DYNC2H1: variants seen among roughly 807,000 people sequenced by gnomAD.
The protein encoded by DYNC2H1 is cytoplasmic dynein 2 heavy chain 1.
DYNC2H1 carries 410 observed loss-of-function variants against 570.0 expected under a neutral mutation model. The ratio of observed to expected loss-of-function variants is 0.72; its 90% CI spans 0.66 to 0.78. DYNC2H1 has a LOEUF of 0.78. DYNC2H1 is among the 30% of genes least tolerant of loss of function. The pLI is 0.00. For missense variants in DYNC2H1, 4,865 were observed against 5,046.4 expected, an observed-to-expected ratio of 0.96 and a Z score of 1.09; for synonymous variants, 1,688 against 1,677.6, an observed-to-expected ratio of 1.01 and a Z score of -0.15.
At chr11:103,150,456 A>G (rs921682244) in intron 20 of DYNC2H1, among the ~76,000 whole-genome samples, 1 of 152,160 alleles carries the variant, frequency 6.6e-6, no homozygotes, top group African/African-American at 2.4e-5. Flanking sequence ...AGATAAATCA[A>G]AATGTCTCTT....
At chr11:103,135,078 A>G (rs1591293648) in intron 15 of DYNC2H1, among the ~76,000 whole-genome samples, 1 of 151,144 alleles carries the variant, frequency 6.6e-6, no homozygotes, top group African/African-American at 2.5e-5. Context: ...TTTAAATCTC[A>G]TATGTTTTAA....
intron 78 of DYNC2H1, among the ~76,000 whole-genome samples, chr11:103,309,819 C>T (rs933279342): frequency 4.6e-5 from 7 of 151,952 alleles, no homozygotes; most frequent in Admixed American, 2.6e-4. Context: ...GTAAATATTT[C>T]GATAAGAGAG....
chr11:103,438,978 A>T (rs1355404230), intron 85 of DYNC2H1, among the ~76,000 whole-genome samples: 1 of 151,926 alleles, frequency 6.6e-6, no homozygotes, highest in African/African-American at 2.4e-5. Flanking sequence ...CTCGCCTCTT[A>T]AAAAAAAGAT....
Position 103,369,490 on chromosome 11 carries a change from G to A in DYNC2H1, c.12156+11131G>A, listed in dbSNP as rs116463590. Among the ~76,000 whole-genome samples, 1,015 of 152,266 alleles carry A rather than the reference G, an allele frequency of 6.7e-3. 10 individuals are homozygous for A. The highest frequency in any genetic ancestry group is 0.023 in the African/African-American group (960 of 41,556). On this transcript the variant is annotated intron_variant, in intron 83 of 88. Transcript: ENST00000375735. This position sits in a 1 kb window ranked among gnomAD's most constrained non-coding sequence, Gnocchi z 4.0. ...CTGAGGCACCTGCTGGGGCAGCTAA[G>A]GGAATGCTGGCATCACCCCTCTCCT...
At chr11:103,303,058 G>T (rs1473238110) in intron 75 of DYNC2H1, 35 bp from the exon 76 acceptor site, 2 of 1,374,672 alleles carry the variant, frequency 1.5e-6, no homozygotes, top group East Asian at 2.6e-5. Context: ...AATGCATACT[G>T]CTTTTATTTT....
intron 84 of DYNC2H1, among the ~76,000 whole-genome samples, chr11:103,409,202 C>A (rs1416518912): frequency 3.3e-5 from 5 of 151,864 alleles, no homozygotes; most frequent in African/African-American, 1.2e-4. Context: ...TTCAAGAATA[C>A]CTTTGTTGGA....
rs142920070 is a variant in DYNC2H1 at position 103,456,351 on chromosome 11, A to C, written c.12643A>C (p.Ile4215Leu). 252 of 1,595,366 alleles carry C rather than the reference A, an allele frequency of 1.6e-4. No individual in the cohort carries two copies. In the African/African-American group the frequency reaches 3.0e-3, roughly 19 times the overall value. Reference sequence around the variant, plus strand: ...TCGACTGCAAGAAGCAAAGCTACAAATTAAGGTACTAGACTAATTTTAGAT... The same window carrying C: ...TCGACTGCAAGAAGCAAAGCTACAACTTAAGGTACTAGACTAATTTTAGAT... ...KGRLQEAKLQ[I>L]KISGLLLEGC... The change falls in exon 87 of 89, where the codon ATT becomes CTT. Residue 4215 changes from isoleucine (I) to leucine (L), a missense_variant. Transcript: ENST00000375735.
rs1007936097 is a variant in DYNC2H1 at position 103,177,642 on chromosome 11, G to A, written c.5961G>A (p.Thr1987=). The A allele has an allele frequency of 5.6e-6, 9 of 1,613,242 alleles. No individual in the cohort carries two copies. The highest frequency in any genetic ancestry group is 1.7e-5 in the Admixed American group (1 of 59,884). Residue 1987 remains threonine, a synonymous_variant, in exon 38 of 89, where the codon ACG becomes ACA. Transcript: ENST00000375735. The surrounding 1 kb of genome is among the most constrained non-coding windows in gnomAD (Gnocchi z 4.4). ...IVGPSGAGKS[T]LWRMLRAALC... ...GTCCAAGTGGTGCTGGAAAATCAAC[G>A]CTTTGGAGAATGTTAAGGGCTGCGC...
intron 84 of DYNC2H1, among the ~76,000 whole-genome samples, chr11:103,412,851 A>G (rs188504856): frequency 6.6e-6 from 1 of 152,322 alleles, no homozygotes; most frequent in Admixed American, 6.5e-5. Flanking sequence ...GTATGAAGTT[A>G]ATATCTTCTT....
At position 103,204,909 on chromosome 11, in the gene DYNC2H1, A is replaced by G. The variant is rs1862867363; in HGVS notation, c.8399A>G (p.His2800Arg). 2 of 1,594,810 alleles carry G rather than the reference A, an allele frequency of 1.3e-6. No homozygotes were observed. The highest frequency in any genetic ancestry group is 1.1e-5 in the South Asian group (1 of 88,252). The change falls in exon 52 of 89, where the codon CAT becomes CGT. Residue 2800 changes from histidine (H) to arginine (R), a missense_variant. Physicochemically the swap from His to Arg is conservative, Grantham distance 29. Around this residue, in one of 5 missense-constraint regions of DYNC2H1, gnomAD observed 2,401 missense variants for 2,454.6 expected, o/e 0.98. Transcript: ENST00000375735. The surrounding 1 kb of genome is among the most constrained non-coding windows in gnomAD (Gnocchi z 4.1). ...AACTGTGAGAGTAATCCAGCTTTGC[A>G]TAAGAAATGCCAGGTGTTGTGGATG... ...MINCESNPAL[H>R]KKCQVLWMEG...
intron 39 of DYNC2H1, 112 bp downstream of exon 39, chr11:103,179,345 T>C (rs1193623995): frequency 1.1e-6 from 1 of 907,702 alleles, no homozygotes; most frequent in Non-Finnish European, 1.5e-6. Flanking sequence ...TTTTCCCATT[T>C]ATGATTAACT....
rs1865854299 is a variant in DYNC2H1 at position 103,275,006 on chromosome 11, A to T, written c.10696-5342A>T. On this transcript the variant is annotated intron_variant, in intron 70 of 88. Coordinates refer to ENST00000375735, the MANE Select transcript of DYNC2H1 (RefSeq NM_001377.3). The surrounding 1 kb of genome is among the most constrained non-coding windows in gnomAD (Gnocchi z 4.8). ...ACTACTGGGAGGCTGAGGCGGGAGA[A>T]TCACTTGAACCTGGGAGGTGGAGGT... 6.6e-6 allele frequency among the ~76,000 whole-genome samples: 1 copy of T among 152,152 alleles called. No homozygotes were observed. Among genetic ancestry groups the T allele is most frequent in the Admixed American group, 6.5e-5 (1 of 15,276 alleles).
intron 83 of DYNC2H1, among the ~76,000 whole-genome samples, chr11:103,367,541 A>G (rs1285646604): frequency 2.6e-5 from 4 of 152,038 alleles, no homozygotes; most frequent in African/African-American, 9.7e-5. Context: ...TAGTGATCAA[A>G]TTACGGTATT....
chr11:103,164,213 A>G (rs1861208627), intron 30 of DYNC2H1, among the ~76,000 whole-genome samples: 2 of 57,990 alleles, frequency 3.4e-5, no homozygotes, highest in South Asian at 6.3e-4. Flanking sequence ...ATTGTATAAT[A>G]TTTGGGTTAG....
intron 84 of DYNC2H1, among the ~76,000 whole-genome samples, chr11:103,415,399 G>A (rs9734001): frequency 0.51 from 77,056 of 151,872 alleles, 19,823 homozygotes; most frequent in African/African-American, 0.6. Flanking sequence ...CAGAATGGGA[G>A]AAAATTTTTG....
intron 59 of DYNC2H1, 123 bp downstream of exon 59, chr11:103,223,209 T>C (rs1312957390): frequency 8.7e-6 from 8 of 914,408 alleles, no homozygotes; most frequent in Non-Finnish European, 1.0e-5. Flanking sequence ...TACTAAAATA[T>C]ATGAATGAGT....
intron 73 of DYNC2H1, among the ~76,000 whole-genome samples, chr11:103,284,732 G>T (rs1866279643): frequency 6.6e-6 from 1 of 150,674 alleles, no homozygotes; most frequent in African/African-American, 2.4e-5. Context: ...ATTTTTATAT[G>T]AATATAAATG....
chr11:103,211,116 T>A (rs1863137993), intron 53 of DYNC2H1, among the ~76,000 whole-genome samples: 2 of 152,002 alleles, frequency 1.3e-5, no homozygotes, highest in Admixed American at 1.3e-4. Flanking sequence ...GAGGAAGGAA[T>A]GGACTTGGTG....
rs978916166 is a variant in DYNC2H1, at chr11:103,157,238, T to A, written c.4127+468T>A. 5.3e-5 allele frequency among the ~76,000 whole-genome samples: 8 copies of A among 152,208 alleles called. No individual in the cohort carries two copies. The highest frequency in any genetic ancestry group is 8.8e-5 in the Non-Finnish European group (6 of 68,022). ...TTTAGATGTAGTCATTCTCCAGGCC[T>A]CAGCCTTCGATTTTTTTCTCACTGT... On this transcript the variant is annotated intron_variant, in intron 26 of 88. Transcript: ENST00000375735. This position sits in a 1 kb window ranked among gnomAD's most constrained non-coding sequence, Gnocchi z 4.2.
Sources: allele counts gnomAD v4.1 joint callset (sites outside exome capture counted in the v4.1 genomes callset), GRCh38; gene constraint gnomAD v4.1.1; regional missense constraint gnomAD v4.1.1; non-coding constraint Gnocchi (gnomAD v3.1); transcripts MANE v1.5; gene names NCBI Gene and HGNC (gene_info 2026-07-23, HGNC 2026-07-21).